PLXNC1: variants seen among roughly 807,000 people sequenced by gnomAD.
The protein encoded by PLXNC1 is plexin-C1.
PLXNC1 carries 75 observed loss-of-function variants against 178.2 expected under a neutral mutation model. The observed-to-expected ratio is 0.42, with a 90% CI of 0.35 to 0.51. The LOEUF (loss-of-function observed/expected upper bound fraction) is 0.51. PLXNC1 is among the 20% of genes least tolerant of loss of function. The pLI, the probability that PLXNC1 is intolerant of heterozygous loss-of-function variation, is 0.02. For missense variants in PLXNC1, 1,503 were observed against 1,984.4 expected (o/e 0.76, Z 4.61); for synonymous variants, 790 against 779.9 (o/e 1.01, Z -0.22).
intron 24 of PLXNC1, among the ~76,000 whole-genome samples, chr12:94,295,357 C>T (rs1446052770): frequency 6.6e-6 from 1 of 152,226 alleles, no homozygotes; most frequent in African/African-American, 2.4e-5. Flanking sequence ...CTATATGGGG[C>T]TGTGGTGAAG....
chr12:94,217,141 C>T (rs1032705499), intron 5 of PLXNC1, among the ~76,000 whole-genome samples: 2 of 152,214 alleles, frequency 1.3e-5, no homozygotes, highest in Admixed American at 1.3e-4. Context: ...TAGTGAACTC[C>T]ATGCAGCCAT....
At chr12:94,249,317 C>T (rs893109975) in intron 14 of PLXNC1, among the ~76,000 whole-genome samples, 1 of 152,198 alleles carries the variant, frequency 6.6e-6, no homozygotes, top group Non-Finnish European at 1.5e-5. Flanking sequence ...ACAGCAACCT[C>T]CGCTTCCCAG....
At position 94,220,169 on chromosome 12, in the gene PLXNC1, T is replaced by C. The variant is rs1389151395; in HGVS notation, c.1702+6T>C. On this transcript the variant is annotated splice_donor_region_variant and intron_variant, in intron 6 of 30. Coordinates refer to ENST00000258526, the MANE Select transcript of PLXNC1 (RefSeq NM_005761.3). ...AACCAGAGCAACCTACAAAGGTATG[T>C]GGATTCTTCTGGGTTATTTTTGTTA... is the stretch of plus-strand genomic sequence containing the variant. 1 of 1,611,180 alleles carries C rather than the reference T, an allele frequency of 6.2e-7. No homozygotes were observed. Among genetic ancestry groups the C allele is most frequent in the South Asian group, 1.1e-5 (1 of 90,902 alleles).
At chr12:94,203,127 G>T (rs535931453) in intron 4 of PLXNC1, among the ~76,000 whole-genome samples, 1 of 152,104 alleles carries the variant, frequency 6.6e-6, no homozygotes, top group African/African-American at 2.4e-5. Context: ...AATTCGTTTG[G>T]GTACAAGAGT....
intron 23 of PLXNC1, among the ~76,000 whole-genome samples, 193 bp downstream of exon 23, chr12:94,282,594 G>A (rs192999371): frequency 1.6e-4 from 25 of 152,298 alleles, no homozygotes; most frequent in East Asian, 1.9e-4. Context: ...TACTTGTCAC[G>A]TATTCCCTTC....
At chr12:94,295,745 G>C (rs191206128) in intron 24 of PLXNC1, among the ~76,000 whole-genome samples, 4 of 152,232 alleles carry the variant, frequency 2.6e-5, no homozygotes, top group Admixed American at 2.6e-4. Context: ...GTCACTATAA[G>C]TTCATGGTAC....
chr12:94,229,507 C>T (rs1371673715), intron 9 of PLXNC1, among the ~76,000 whole-genome samples: 1 of 152,108 alleles, frequency 6.6e-6, no homozygotes, highest in Non-Finnish European at 1.5e-5. Context: ...TTTCTTTCTG[C>T]ATTTATTTGT....
At chr12:94,200,372 A>C (rs1963077561) in intron 4 of PLXNC1, among the ~76,000 whole-genome samples, 1 of 152,202 alleles carries the variant, frequency 6.6e-6, no homozygotes. Context: ...TGTTCCCAGC[A>C]TCTCCTCCAT....
intron 6 of PLXNC1, among the ~76,000 whole-genome samples, 164 bp downstream of exon 6, chr12:94,220,327 T>G (rs990592457): frequency 6.6e-6 from 1 of 152,152 alleles, no homozygotes; most frequent in Non-Finnish European, 1.5e-5. Context: ...CACCTCTGGT[T>G]TACCTCATTC....
chr12:94,192,118 T>C (rs1157950834), intron 4 of PLXNC1, among the ~76,000 whole-genome samples: 4 of 152,202 alleles, frequency 2.6e-5, no homozygotes, highest in Non-Finnish European at 5.9e-5. Flanking sequence ...AATTAAGGAT[T>C]GATTCCCAAG....
rs1249679832 is a variant in PLXNC1 at position 94,297,320 on chromosome 12, T to C, written c.3971T>C (p.Leu1324Ser). 2 of 1,613,866 alleles carry C rather than the reference T, an allele frequency of 1.2e-6. No homozygotes were observed. The highest frequency in any genetic ancestry group is 2.7e-5 in the African/African-American group (2 of 74,914). ...EYSDDHCHLI[L>S]PDSEAFQDVQ... is the part of the protein sequence containing the mutation. ...CTTCTGCTGTCTTCCCTTCAGATTT[T>C]ACCAGATTCGGAAGCATTCCAAGAT... Residue 1324 changes from leucine to serine, a missense_variant, in exon 26 of 31, where the codon TTA becomes TCA. Around this residue, in one of 4 missense-constraint regions of PLXNC1, gnomAD observed 639 missense variants for 979.7 expected, o/e 0.65. Transcript: ENST00000258526.
intron 2 of PLXNC1, among the ~76,000 whole-genome samples, chr12:94,180,467 A>G (rs984384763): frequency 6.6e-6 from 1 of 152,116 alleles, no homozygotes; most frequent in Non-Finnish European, 1.5e-5. Flanking sequence ...TCACCCCACC[A>G]TACACACACA....
At chr12:94,219,377 A>C (rs1433356287) in intron 5 of PLXNC1, among the ~76,000 whole-genome samples, 1 of 152,212 alleles carries the variant, frequency 6.6e-6, no homozygotes, top group Non-Finnish European at 1.5e-5. Context: ...TAATTGATTA[A>C]CCATCTGGAT....
At chr12:94,252,367 G>A (rs1964720384) in intron 15 of PLXNC1, among the ~76,000 whole-genome samples, 2 of 152,130 alleles carry the variant, frequency 1.3e-5, no homozygotes, top group Non-Finnish European at 2.9e-5. Context: ...GGAGTTTGAG[G>A]TTACAGTGAG....
intron 10 of PLXNC1, among the ~76,000 whole-genome samples, chr12:94,238,332 T>A (rs1964294597): frequency 1.3e-5 from 2 of 152,326 alleles, no homozygotes; most frequent in South Asian, 2.1e-4. Flanking sequence ...ATAATGGTAG[T>A]AAAAAAGAAC....
At position 94,282,387 on chromosome 12, in the gene PLXNC1, A is replaced by G; in HGVS notation, c.3865A>G (p.Ile1289Val). 1.2e-6 allele frequency: 2 copies of G among 1,609,430 alleles called. No individual in the cohort carries two copies. Among genetic ancestry groups the G allele is most frequent in the South Asian group, 2.2e-5 (2 of 90,988 alleles). ...LEDGITKLNT[I>V]GHYEISNGST... ...AGATGGAATCACCAAGCTAAACACC[A>G]TTGGCCACTATGAGGTAAGAGCAAG... Residue 1289 changes from isoleucine to valine, a missense_variant, in exon 23 of 31, where the codon ATT (isoleucine) becomes GTT (valine). Ile to Val is a conservative substitution (Grantham distance 29). This residue lies in a region of PLXNC1 where 639 missense variants were observed against 979.7 expected (regional missense o/e 0.65). Transcript: ENST00000258526.
intron 5 of PLXNC1, among the ~76,000 whole-genome samples, chr12:94,218,123 T>C (rs1963696299): frequency 6.6e-6 from 1 of 152,186 alleles, no homozygotes; most frequent in African/African-American, 2.4e-5. Flanking sequence ...AAATGCTGCG[T>C]TGAAGATTGA....
Position 94,254,819 on chromosome 12 carries a change from G to C in PLXNC1, c.2914G>C (p.Glu972Gln), listed in dbSNP as rs759768363. 3.5e-5 allele frequency: 57 copies of C among 1,610,036 alleles called. No homozygotes were observed. Among genetic ancestry groups the C allele is most frequent in the Non-Finnish European group, 4.5e-5 (53 of 1,179,166 alleles). Reference protein sequence around the residue: ...AVGVTRHKSKELSRKQSQQLE... With the variant: ...AVGVTRHKSKQLSRKQSQQLE... ...GGGGGTGACCAGGCACAAATCGAAGGAGCTGAGTCGCAAACAGAGTCAACA... is the reference window on the plus strand; with the variant it reads ...GGGGGTGACCAGGCACAAATCGAAGCAGCTGAGTCGCAAACAGAGTCAACA... The change falls in exon 16 of 31, where the codon GAG becomes CAG. Residue 972 changes from glutamate (E) to glutamine (Q), a missense_variant. This residue lies in a region of PLXNC1 where 639 missense variants were observed against 979.7 expected (regional missense o/e 0.65). Transcript: ENST00000258526.
intron 4 of PLXNC1, among the ~76,000 whole-genome samples, chr12:94,196,005 C>A (rs1042837889): frequency 6.6e-6 from 1 of 152,054 alleles, no homozygotes; most frequent in Non-Finnish European, 1.5e-5. Flanking sequence ...CCAAGTGACA[C>A]TCCTTCCTCA....
Sources: allele counts gnomAD v4.1 joint callset (sites outside exome capture counted in the v4.1 genomes callset), GRCh38; gene constraint gnomAD v4.1.1; regional missense constraint gnomAD v4.1.1; transcripts MANE v1.5; gene names NCBI Gene and HGNC (gene_info 2026-07-23, HGNC 2026-07-21).